The following DAB1 variants were observed in gnomAD, a reference collection of about 807,000 sequenced individuals.
The protein encoded by DAB1 is DAB adaptor protein 1.
DAB1 carries 15 observed loss-of-function variants against 64.6 expected under a neutral mutation model. The observed-to-expected ratio is 0.23, with a 90% CI of 0.16 to 0.36. DAB1 has a LOEUF of 0.36. Ranked by LOEUF, DAB1 falls within the 10% of genes least tolerant of loss-of-function variation. The pLI is 1.00. For missense variants in DAB1, 596 were observed against 706.7 expected, an observed-to-expected ratio of 0.84 and a Z score of 1.78; for synonymous variants, 235 against 251.9, an observed-to-expected ratio of 0.93 and a Z score of 0.64.
intron 5 of DAB1, among the ~76,000 whole-genome samples, chr1:58,083,449 G>A (rs1225164710): frequency 1.3e-5 from 2 of 152,288 alleles, no homozygotes; most frequent in Admixed American, 1.3e-4. Context: ...CCCAGTGTGC[G>A]GGGCAGCTTA....
chr1:57,484,041 G>T (rs1490077420), intron 7 of DAB1, among the ~76,000 whole-genome samples: 1 of 152,182 alleles, frequency 6.6e-6, no homozygotes, highest in African/African-American at 2.4e-5. Flanking sequence ...GTGGGGGCAA[G>T]GTGGGCAAAT....
At chr1:58,001,132 C>A (rs1236842029) in intron 5 of DAB1, among the ~76,000 whole-genome samples, 1 of 151,788 alleles carries the variant, frequency 6.6e-6, no homozygotes, top group Non-Finnish European at 1.5e-5. Context: ...TCTCCATTTT[C>A]TCTCCTTGCA....
chr1:58,381,239 C>A (rs182105638), intron 3 of DAB1, among the ~76,000 whole-genome samples: 6 of 152,182 alleles, frequency 3.9e-5, no homozygotes, highest in African/African-American at 1.4e-4. Flanking sequence ...CAGCAAACCA[C>A]CATGGCACAC....
At chr1:58,230,376 C>T (rs1659719511) in intron 4 of DAB1, among the ~76,000 whole-genome samples, 1 of 152,192 alleles carries the variant, frequency 6.6e-6, no homozygotes, top group Admixed American at 6.5e-5. Flanking sequence ...AGGAGGTCAT[C>T]ACCAATCTCC....
At chr1:58,071,363 GGT>G (rs548977353) in intron 5 of DAB1, among the ~76,000 whole-genome samples, 44,754 of 135,478 alleles carry the variant, frequency 0.33, 8,557 homozygotes, top group Non-Finnish European at 0.46. Flanking sequence ...AAAGGAGAAT[GGT>G]GTGTGTGTGT....
At chr1:57,056,121 G>C (rs1649729253) in intron 9 of DAB1, among the ~76,000 whole-genome samples, 1 of 152,074 alleles carries the variant, frequency 6.6e-6, no homozygotes, top group Admixed American at 6.6e-5. Context: ...AAATGGTAAA[G>C]CTGGGAGTCA....
intron 3 of DAB1, among the ~76,000 whole-genome samples, chr1:58,440,424 A>G (rs2100265425): frequency 6.6e-6 from 1 of 152,328 alleles, no homozygotes; most frequent in Non-Finnish European, 1.5e-5. Context: ...GCACAAGAGG[A>G]GGGACCCTTG....
intron 6 of DAB1, among the ~76,000 whole-genome samples, chr1:57,705,283 A>G (rs1289880563): frequency 6.6e-6 from 1 of 151,814 alleles, no homozygotes; most frequent in Non-Finnish European, 1.5e-5. Flanking sequence ...ATATTTTTCC[A>G]TTTTTAAAAC....
downstream of DAB1, among the ~76,000 whole-genome samples, chr1:57,822,405 G>C (rs1280895108): frequency 6.6e-6 from 1 of 152,092 alleles, no homozygotes; most frequent in Non-Finnish European, 1.5e-5. Context: ...TGGTTAGGGG[G>C]ATCACTGGCT....
chr1:57,177,172 T>C (rs1294060799), intron 2 of DAB1, among the ~76,000 whole-genome samples: 2 of 152,080 alleles, frequency 1.3e-5, no homozygotes, highest in Non-Finnish European at 1.5e-5. Context: ...AATTTCCCTA[T>C]ATATTTAACT....
chr1:58,466,032 C>CA (rs1355177297), intron 3 of DAB1, among the ~76,000 whole-genome samples: 1 of 152,160 alleles, frequency 6.6e-6, no homozygotes, highest in Non-Finnish European at 1.5e-5. Context: ...ATATTCCTCT[C>CA]AGATACCCAG....
intron 7 of DAB1, among the ~76,000 whole-genome samples, chr1:57,466,227 C>G (rs1439953130): frequency 6.6e-5 from 10 of 152,174 alleles, no homozygotes; most frequent in South Asian, 2.1e-4. Flanking sequence ...GACCATTAAA[C>G]TATCTTATAT....
chr1:57,428,841 CAAAAA>C (rs55678877), upstream of DAB1, among the ~76,000 whole-genome samples: 1 of 69,626 alleles, frequency 1.4e-5, no homozygotes, highest in African/African-American at 4.7e-5. Flanking sequence ...TTGTCTTTTA[CAAAAA>C]AAAAAAAAAA....
At chr1:57,230,296 G>C (rs1183440434) in intron 2 of DAB1, among the ~76,000 whole-genome samples, 1 of 135,774 alleles carries the variant, frequency 7.4e-6, no homozygotes, top group Non-Finnish European at 1.6e-5. Context: ...TTTCCCTGAA[G>C]ATTACAACTA....
chr1:57,386,327 G>A (rs932707099), intron 1 of DAB1, among the ~76,000 whole-genome samples: 4 of 140,888 alleles, frequency 2.8e-5, no homozygotes, highest in Middle Eastern at 4.1e-3. Context: ...ACAATAGAAG[G>A]TCAATTTGTT....
At chr1:57,100,550 T>C (rs1042251878) in intron 4 of DAB1, among the ~76,000 whole-genome samples, 12 of 152,162 alleles carry the variant, frequency 7.9e-5, no homozygotes, top group African/African-American at 2.9e-4. Context: ...AAAGGCACTA[T>C]AAACTGTAAT....
In DAB1 at chr1:57,068,404, GT is replaced by G. The variant is rs558614553; in HGVS notation, c.663+955del. ...AAGGCTGACAACTTTAAACAAAGTT[GT>G]TGGTAGAACTAACATTATATTTTAG... On this transcript the variant is annotated intron_variant, in intron 8 of 14. Coordinates refer to ENST00000371236, the MANE Select transcript of DAB1 (RefSeq NM_001365792.1). 4.0e-4 allele frequency among the ~76,000 whole-genome samples: 61 copies of G among 152,296 alleles called. 1 individual carries two copies. The South Asian group carries it at 0.011, about 26-fold the overall frequency.
intron 4 of DAB1, among the ~76,000 whole-genome samples, chr1:57,108,328 C>T (rs1448488576): frequency 1.3e-5 from 2 of 152,156 alleles, no homozygotes; most frequent in Admixed American, 1.3e-4. Flanking sequence ...CGTTTCATTA[C>T]TAGTTTTCAT....
chr1:57,266,923 A>G (rs1356748102), intron 2 of DAB1, among the ~76,000 whole-genome samples: 1 of 152,148 alleles, frequency 6.6e-6, no homozygotes, highest in Non-Finnish European at 1.5e-5. Context: ...GCACTGAACA[A>G]TCTCAACTGA....
Sources: allele counts gnomAD v4.1 joint callset (sites outside exome capture counted in the v4.1 genomes callset), GRCh38; gene constraint gnomAD v4.1.1; transcripts MANE v1.5; gene names NCBI Gene and HGNC (gene_info 2026-07-23, HGNC 2026-07-21).